Variants in TAOK1 observed in about 807,000 individuals in gnomAD.
TAOK1 encodes TAO kinase 1, also known as serine/threonine-protein kinase TAO1.
A neutral mutation model predicts 138.3 loss-of-function variants in TAOK1; 21 were observed. The observed-to-expected ratio is 0.15, with a 90% CI of 0.11 to 0.22. The LOEUF is 0.22. TAOK1 is among the 10% of genes least tolerant of loss of function. The pLI is 1.00. For missense variants in TAOK1, 651 were observed against 1,227.7 expected, an observed-to-expected ratio of 0.53 and a Z score of 7.02; for synonymous variants, 361 against 398.4, an observed-to-expected ratio of 0.91 and a Z score of 1.12.
chr17:29,396,584 G>T (rs1355034919), intron 1 of TAOK1, among the ~76,000 whole-genome samples: 1 of 152,182 alleles, frequency 6.6e-6, no homozygotes, highest in Admixed American at 6.5e-5. Context: ...AGAAGTAGAT[G>T]AATTACTGTA....
At chr17:29,516,485 C>T (rs2031816640) in intron 15 of TAOK1, among the ~76,000 whole-genome samples, 1 of 150,362 alleles carries the variant, frequency 6.7e-6, no homozygotes, top group South Asian at 2.1e-4. Context: ...CAGACACGTG[C>T]CACCACACCT....
At chr17:29,486,436 C>T (rs919923964) in intron 8 of TAOK1, among the ~76,000 whole-genome samples, 2 of 152,086 alleles carry the variant, frequency 1.3e-5, no homozygotes, top group African/African-American at 4.8e-5. Flanking sequence ...AGTTTTAGAC[C>T]AGCCTGGCCA....
chr17:29,490,620 A>G (rs1330158682), intron 9 of TAOK1, among the ~76,000 whole-genome samples: 1 of 152,156 alleles, frequency 6.6e-6, no homozygotes, highest in Non-Finnish European at 1.5e-5. Context: ...ATATAACTCT[A>G]CTTTGTGTTT....
At chr17:29,460,588 T>C (rs933854705) in intron 2 of TAOK1, among the ~76,000 whole-genome samples, 2 of 152,196 alleles carry the variant, frequency 1.3e-5, no homozygotes, top group Admixed American at 6.5e-5. Flanking sequence ...AGAAAGATAA[T>C]CAAGGGCTCT....
At chr17:29,511,474 G>A (rs2031719043) in intron 15 of TAOK1, 1 of 152,186 alleles carries the variant, frequency 6.6e-6, no homozygotes, top group Non-Finnish European at 1.5e-5. Context: ...CTGACCTTGT[G>A]ATCCGCCTGC....
chr17:29,502,817 G>A lies in TAOK1; in HGVS notation c.1338+94G>A, dbSNP rs573097394. On this transcript the variant is annotated intron_variant, in intron 13 of 19. Transcript: ENST00000261716. ...ATAGCTATATATTGTTTTGTATTTG[G>A]GTTTTATTTTACGAAATACTCATTT... The A allele has an allele frequency of 5.7e-5, 79 of 1,377,440 alleles. No homozygotes were observed. The South Asian group carries it at 1.0e-3, about 18-fold the overall frequency. The allele number at this position is 1,377,440 out of a possible 1,614,324, so 85.3% of individuals were successfully genotyped here. A position where few individuals can be genotyped will look rare whatever the true frequency, so the allele number is the denominator to read the frequency against.
intron 1 of TAOK1, among the ~76,000 whole-genome samples, chr17:29,433,603 A>C (rs1015668938): frequency 6.6e-6 from 1 of 151,894 alleles, no homozygotes; most frequent in African/African-American, 2.4e-5. Context: ...ATTGGGTGAA[A>C]AGGGAAAAAA....
intron 12 of TAOK1, among the ~76,000 whole-genome samples, chr17:29,499,229 C>CT (rs57906502): frequency 0.025 from 3,092 of 123,168 alleles, 59 homozygotes; most frequent in Non-Finnish European, 0.038. Flanking sequence ...ATGTTTATAT[C>CT]TTTTTTTTTT....
intron 8 of TAOK1, among the ~76,000 whole-genome samples, chr17:29,485,537 G>A (rs2031154482): frequency 6.6e-6 from 1 of 152,176 alleles, no homozygotes; most frequent in Non-Finnish European, 1.5e-5. Flanking sequence ...TACTCGGGAG[G>A]CAGAGGTGGA....
chr17:29,482,353 C>A, intron 8 of TAOK1, 65 bp downstream of exon 8: 1 of 1,238,814 alleles, frequency 8.1e-7, no homozygotes, highest in African/African-American at 1.5e-5. Flanking sequence ...ATTTCTGTAC[C>A]AATCTATAAA....
chr17:29,504,282 A>C (rs1340924918), intron 13 of TAOK1, among the ~76,000 whole-genome samples: 6 of 145,690 alleles, frequency 4.1e-5, no homozygotes, highest in East Asian at 2.0e-4. Flanking sequence ...GTCTCAAAAA[A>C]AAAAAAAAAA....
At chr17:29,485,786 A>G (rs1244302492) in intron 8 of TAOK1, among the ~76,000 whole-genome samples, 1 of 152,188 alleles carries the variant, frequency 6.6e-6, no homozygotes, top group East Asian at 1.9e-4. Context: ...AGTATATATA[A>G]TTTGAACTCT....
At chr17:29,489,324 C>T (rs2031247000) in intron 8 of TAOK1, among the ~76,000 whole-genome samples, 1 of 151,840 alleles carries the variant, frequency 6.6e-6, no homozygotes, top group South Asian at 2.1e-4. Context: ...ATGGTGAAAC[C>T]CCATCTCTAC....
intron 1 of TAOK1, among the ~76,000 whole-genome samples, chr17:29,443,090 T>G: frequency 6.6e-6 from 1 of 152,174 alleles, no homozygotes; most frequent in East Asian, 1.9e-4. Flanking sequence ...TTTCTTTCTC[T>G]AAAGGGACTG....
intron 1 of TAOK1, among the ~76,000 whole-genome samples, chr17:29,433,347 C>T (rs1028541242): frequency 4.0e-5 from 6 of 150,840 alleles, no homozygotes; most frequent in Admixed American, 2.7e-4. Flanking sequence ...ACGAGAATTG[C>T]TTGAACCCGG....
Position 29,542,788 on chromosome 17 carries a change from T to C in TAOK1, c.2772T>C (p.His924=), listed in dbSNP as rs775292329. Residue 924 remains histidine (H), a synonymous_variant, in exon 20 of 20, where the codon CAT becomes CAC. Transcript: ENST00000261716. ...PTGGPGPHWG[H]PMGGPPQAWG... ...GGGGTCCAGGACCTCACTGGGGTCATCCCATGGGTGGCCCACCACAAGCTT... is the reference window on the plus strand; with the variant it reads ...GGGGTCCAGGACCTCACTGGGGTCACCCCATGGGTGGCCCACCACAAGCTT... 2.5e-6 allele frequency: 4 copies of C among 1,614,150 alleles called. No homozygotes were observed. In the East Asian group the frequency reaches 8.9e-5, roughly 36 times the overall value.
chr17:29,508,197 T>A (rs2031660311), intron 14 of TAOK1, 65 bp downstream of exon 14: 1 of 1,393,432 alleles, frequency 7.2e-7, no homozygotes, highest in Non-Finnish European at 1.0e-6. Context: ...TTAACCAACA[T>A]GGCAGTTTGA....
chr17:29,431,700 C>T (rs923981637), intron 1 of TAOK1, among the ~76,000 whole-genome samples: 5 of 151,428 alleles, frequency 3.3e-5, no homozygotes, highest in South Asian at 4.2e-4. Context: ...AGTGCAATGG[C>T]GCGATCTCAG....
At chr17:29,503,486 C>T (rs757267069) in intron 13 of TAOK1, among the ~76,000 whole-genome samples, 2 of 150,868 alleles carry the variant, frequency 1.3e-5, no homozygotes, top group African/African-American at 4.9e-5. Context: ...AAATGGCAAG[C>T]AGTACAATGT....
Sources: allele counts gnomAD v4.1 joint callset (sites outside exome capture counted in the v4.1 genomes callset), GRCh38; gene constraint gnomAD v4.1.1; transcripts MANE v1.5; gene names NCBI Gene and HGNC (gene_info 2026-07-23, HGNC 2026-07-21).